CNTN4: variants seen among roughly 807,000 people sequenced by gnomAD.
CNTN4 encodes contactin-4.
Under a neutral mutation model 122.5 loss-of-function variants are expected in CNTN4, and 77 were observed. The ratio of observed to expected loss-of-function variants is 0.63; its 90% CI spans 0.52 to 0.76. The LOEUF (loss-of-function observed/expected upper bound fraction) is 0.76. CNTN4 is among the 30% of genes least tolerant of loss of function. The pLI is 0.00. For synonymous variants in CNTN4, 512 were observed against 447.0 expected (o/e 1.15, Z -1.83); for missense variants, 1,256 against 1,259.1 (o/e 1.00, Z 0.04).
chr3:2,424,631 G>A (rs527553449), intron 3 of CNTN4, among the ~76,000 whole-genome samples: 10 of 152,298 alleles, frequency 6.6e-5, no homozygotes, highest in African/African-American at 2.4e-4. Context: ...GATCCTTGAG[G>A]AATGGCCACA....
intron 3 of CNTN4, among the ~76,000 whole-genome samples, chr3:2,484,296 C>T (rs1365263165): frequency 6.6e-6 from 1 of 152,190 alleles, no homozygotes; most frequent in African/African-American, 2.4e-5. Context: ...GGAACACAGA[C>T]AACCTGCTAA....
chr3:2,592,044 A>G (rs890310936), intron 4 of CNTN4, among the ~76,000 whole-genome samples: 1 of 151,868 alleles, frequency 6.6e-6, no homozygotes, highest in East Asian at 1.9e-4. Flanking sequence ...ACACCTGGCT[A>G]GTTTTTTAAA....
At chr3:2,900,929 A>G (rs2151132321) in intron 11 of CNTN4, 108 bp downstream of exon 11, 3 of 1,352,012 alleles carry the variant, frequency 2.2e-6, no homozygotes, top group Non-Finnish European at 3.2e-6. Flanking sequence ...ATAATATGCA[A>G]TGAAACAGCA....
chr3:2,798,366 A>ATCTATCTACCT (rs57013365), intron 6 of CNTN4, among the ~76,000 whole-genome samples: 22,629 of 134,662 alleles, frequency 0.17, 2,242 homozygotes, highest in Non-Finnish European at 0.22. Flanking sequence ...TACACACATA[A>ATCTATCTACCT]ATCTATCTAT....
chr3:2,400,447 ATATC>A (rs1462257014), intron 3 of CNTN4, among the ~76,000 whole-genome samples: 16 of 136,806 alleles, frequency 1.2e-4, no homozygotes, highest in African/African-American at 2.9e-4. Flanking sequence ...ATATATATAT[ATATC>A]TCTTTTTTTC....
At chr3:2,197,065 A>AG (rs1485480324) in intron 2 of CNTN4, among the ~76,000 whole-genome samples, 4 of 144,742 alleles carry the variant, frequency 2.8e-5, no homozygotes, top group East Asian at 2.1e-4. Context: ...AAAAAAAAAA[A>AG]AAAAAGAAGA....
At position 2,791,077 on chromosome 3, in the gene CNTN4, C is replaced by A. The variant is rs113462568; in HGVS notation, c.359-28409C>A. ...AACAAAGGCAGACCAAGATTTGAGT[C>A]GGCAGAATTTCAGTTTCCACAAGGA... On this transcript the variant is annotated intron_variant, in intron 6 of 24. Transcript: ENST00000418658. 5.3e-5 allele frequency among the ~76,000 whole-genome samples: 8 copies of A among 152,110 alleles called. No homozygotes were observed. In the East Asian group the frequency reaches 9.6e-4, roughly 18 times the overall value.
chr3:2,730,379 T>C (rs149035396), intron 4 of CNTN4, among the ~76,000 whole-genome samples: 1 of 152,322 alleles, frequency 6.6e-6, no homozygotes, highest in African/African-American at 2.4e-5. Context: ...ATTTCAGATT[T>C]TGGATTTTTG....
rs570360380 is a variant in CNTN4, at chr3:2,104,986, G to T, written c.-145+4347G>T. On this transcript the variant is annotated intron_variant, in intron 2 of 24. Coordinates refer to ENST00000418658, the MANE Select transcript of CNTN4 (RefSeq NM_175607.3). ...TTCCCATTTAAGGATTGGAGCATGG[G>T]AACCAGGTCTTGTCGGGAAGAGCAT... Among the ~76,000 whole-genome samples, 238 of 152,286 alleles carry T rather than the reference G, an allele frequency of 1.6e-3. 2 individuals are homozygous for T. The highest frequency in any genetic ancestry group is 2.6e-3 in the Non-Finnish European group (177 of 68,028).
At chr3:3,027,454 G>T (rs1438073342) in intron 15 of CNTN4, among the ~76,000 whole-genome samples, 1 of 152,108 alleles carries the variant, frequency 6.6e-6, no homozygotes, top group Non-Finnish European at 1.5e-5. Context: ...AATAACTTTG[G>T]CTAAGTGAAA....
chr3:2,138,179 G>A (rs1303160876), intron 2 of CNTN4, among the ~76,000 whole-genome samples: 1 of 150,730 alleles, frequency 6.6e-6, no homozygotes, highest in Admixed American at 6.7e-5. Context: ...TGATTCTCCT[G>A]CCTCAGCTCC....
At chr3:2,848,446 G>C (rs191850083) in intron 7 of CNTN4, among the ~76,000 whole-genome samples, 1 of 152,140 alleles carries the variant, frequency 6.6e-6, no homozygotes, top group East Asian at 1.9e-4. Context: ...AGAAGTCCCC[G>C]TGTTGGTTCC....
intron 3 of CNTN4, among the ~76,000 whole-genome samples, chr3:2,396,099 A>T (rs1575544325): frequency 1.3e-5 from 2 of 151,568 alleles, no homozygotes; most frequent in South Asian, 4.2e-4. Flanking sequence ...ATCATGGCTC[A>T]CTGCAGCCTT....
intron 2 of CNTN4, among the ~76,000 whole-genome samples, chr3:2,172,413 T>A (rs1278438752): frequency 6.6e-6 from 1 of 151,468 alleles, no homozygotes; most frequent in Non-Finnish European, 1.5e-5. Context: ...AAGGGTGAAA[T>A]GGGGGTGAGG....
At chr3:2,665,721 G>C (rs1005129874) in intron 4 of CNTN4, among the ~76,000 whole-genome samples, 1 of 152,096 alleles carries the variant, frequency 6.6e-6, no homozygotes, top group African/African-American at 2.4e-5. Flanking sequence ...GGAGACTTAG[G>C]TTACCCTCTC....
chr3:2,545,786 G>A (rs1330522643), intron 3 of CNTN4, among the ~76,000 whole-genome samples: 2 of 151,810 alleles, frequency 1.3e-5, no homozygotes, highest in Non-Finnish European at 2.9e-5. Context: ...GGCCTCTCTT[G>A]AAGACAGCAT....
intron 2 of CNTN4, among the ~76,000 whole-genome samples, chr3:2,257,523 T>C (rs1022751290): frequency 5.3e-5 from 8 of 152,106 alleles, no homozygotes; most frequent in African/African-American, 1.7e-4. Flanking sequence ...AGAGAAAATT[T>C]TTGCAATCTA....
chr3:2,634,451 T>G (rs1191003541), intron 4 of CNTN4, among the ~76,000 whole-genome samples: 1 of 152,150 alleles, frequency 6.6e-6, no homozygotes, highest in East Asian at 1.9e-4. Flanking sequence ...AGAAGGATAT[T>G]ACTTTTTGAA....
intron 12 of CNTN4, 31 bp downstream of exon 12, chr3:2,903,036 T>A (rs752906324): frequency 1.3e-6 from 2 of 1,597,958 alleles, no homozygotes; most frequent in Non-Finnish European, 1.7e-6. Flanking sequence ...GAAAAAAAAA[T>A]TAAAACTCTT....
Sources: allele counts gnomAD v4.1 joint callset (sites outside exome capture counted in the v4.1 genomes callset), GRCh38; gene constraint gnomAD v4.1.1; transcripts MANE v1.5; gene names NCBI Gene and HGNC (gene_info 2026-07-23, HGNC 2026-07-21).